Variants in SCARA3 observed in about 807,000 individuals in gnomAD.
SCARA3 encodes the protein cellular stress response gene protein.
SCARA3 carries 39 observed loss-of-function variants against 47.0 expected under a neutral mutation model. The observed-to-expected ratio is 0.83, with a 90% CI of 0.64 to 1.08. The LOEUF is 1.08. Among genes scored for constraint, SCARA3 ranks in the 50% least tolerant of loss-of-function variants. The probability of loss-of-function intolerance (pLI) is 0.00; values close to 1 mark genes in which losing one functional copy is unlikely to be tolerated. For synonymous variants in SCARA3, 356 were observed against 334.1 expected, an observed-to-expected ratio of 1.07 and a Z score of -0.71; for missense variants, 724 against 792.3, an observed-to-expected ratio of 0.91 and a Z score of 1.04.
chr8:27,694,702 A>G, the SCARA3 span, among the ~76,000 whole-genome samples: 1 of 152,172 alleles, frequency 6.6e-6, no homozygotes, highest in African/African-American at 2.4e-5. Context: ...TGGTATGTAC[A>G]GGTGGTTTAT....
the SCARA3 span, among the ~76,000 whole-genome samples, chr8:27,726,329 C>T: frequency 6.6e-6 from 1 of 152,124 alleles, no homozygotes; most frequent in African/African-American, 2.4e-5. Context: ...TTGTTTGAGC[C>T]CAGGAGTTCA....
intron 1 of SCARA3, among the ~76,000 whole-genome samples, chr8:27,643,354 T>C (rs1047130044): frequency 1.3e-5 from 2 of 152,104 alleles, no homozygotes; most frequent in African/African-American, 4.8e-5. Flanking sequence ...CAGATGTGGC[T>C]TTAGGGATGC....
the SCARA3 span, among the ~76,000 whole-genome samples, chr8:27,690,400 C>T: frequency 6.6e-6 from 1 of 152,214 alleles, no homozygotes; most frequent in Non-Finnish European, 1.5e-5. Flanking sequence ...CTCTCTGCCT[C>T]TCTGTCTCCC....
the SCARA3 span, among the ~76,000 whole-genome samples, chr8:27,728,198 T>C: frequency 1.3e-5 from 2 of 152,200 alleles, no homozygotes; most frequent in Non-Finnish European, 2.9e-5. Context: ...TTGTTGAGAC[T>C]TCACCGACGA....
chr8:27,705,594 C>T, the SCARA3 span, among the ~76,000 whole-genome samples: 10 of 152,312 alleles, frequency 6.6e-5, no homozygotes, highest in African/African-American at 1.2e-4. Flanking sequence ...TTGCACCTGA[C>T]ATGGGGCTCC....
chr8:27,639,110 C>T (rs1056372048), intron 1 of SCARA3, among the ~76,000 whole-genome samples: 2 of 152,180 alleles, frequency 1.3e-5, no homozygotes, highest in African/African-American at 4.8e-5. Flanking sequence ...TCAGATGAGA[C>T]ACCTTCCCCT....
intron 5 of SCARA3, 35 bp downstream of exon 5, chr8:27,659,574 C>T: frequency 6.5e-7 from 1 of 1,536,590 alleles, no homozygotes; most frequent in Non-Finnish European, 8.8e-7. Context: ...TGCTACAAAG[C>T]TTCCACTGAG....
At chr8:27,711,289 G>A in the SCARA3 span, among the ~76,000 whole-genome samples, 1 of 152,178 alleles carries the variant, frequency 6.6e-6, no homozygotes, top group Non-Finnish European at 1.5e-5. Flanking sequence ...TAGCTCATAA[G>A]GGGTTTGCAA....
At chr8:27,707,791 C>A in the SCARA3 span, among the ~76,000 whole-genome samples, 2 of 128,954 alleles carry the variant, frequency 1.6e-5, no homozygotes, top group Admixed American at 8.3e-5. Flanking sequence ...TTGAGAACAT[C>A]AAGCATAAAG....
intron 1 of SCARA3, among the ~76,000 whole-genome samples, chr8:27,641,687 G>C (rs889306455): frequency 2.0e-5 from 3 of 152,198 alleles, no homozygotes; most frequent in Non-Finnish European, 4.4e-5. Flanking sequence ...AGGAAAGGCT[G>C]AGTGCATTGG....
the SCARA3 span, among the ~76,000 whole-genome samples, chr8:27,707,212 T>C: frequency 1.2e-4 from 18 of 152,292 alleles, no homozygotes; most frequent in African/African-American, 4.1e-4. Context: ...TTAGAGAAAC[T>C]GAAGAGTCTA....
the SCARA3 span, among the ~76,000 whole-genome samples, chr8:27,710,206 G>C: frequency 6.7e-6 from 1 of 149,122 alleles, no homozygotes; most frequent in African/African-American, 2.5e-5. Flanking sequence ...CTCCAGCCTG[G>C]GCGACAGAGC....
chr8:27,671,466 G>C lies in SCARA3; in HGVS notation c.*115G>C. 7.6e-7 allele frequency: 1 copy of C among 1,312,640 alleles called. No individual in the cohort carries two copies. Among genetic ancestry groups the C allele is most frequent in the Non-Finnish European group, 9.6e-7 (1 of 1,036,474 alleles). 81.3% of individuals were successfully genotyped at this position (1,312,640 alleles called of 1,614,324 possible). A position where few individuals can be genotyped will look rare whatever the true frequency, so the allele number is the denominator to read the frequency against. On this transcript the variant is annotated 3_prime_UTR_variant, in exon 6 of 6. Coordinates refer to ENST00000301904, the MANE Select transcript of SCARA3 (RefSeq NM_016240.3). ...GTGGTCCTCTGATTCCAATGAGGGG[G>C]CTCCCCAGGGCTGACCCTGCAGCTT...
the SCARA3 span, among the ~76,000 whole-genome samples, chr8:27,688,569 G>A: frequency 6.6e-6 from 1 of 152,064 alleles, no homozygotes; most frequent in Non-Finnish European, 1.5e-5. Context: ...GGTGGCACGT[G>A]CCTATAGTCC....
At position 27,634,178 on chromosome 8, in the gene SCARA3, C is replaced by A. The variant is rs1391959897; in HGVS notation, c.-23C>A. 2.1e-6 allele frequency: 3 copies of A among 1,438,574 alleles called. No individual in the cohort carries two copies. The highest frequency in any genetic ancestry group is 2.7e-6 in the Non-Finnish European group (3 of 1,100,242). 89.1% of individuals were successfully genotyped at this position (1,438,574 alleles called of 1,614,324 possible). On this transcript the variant is annotated 5_prime_UTR_variant, in exon 1 of 6. It adds an upstream start codon to the 5' untranslated region. Coordinates refer to ENST00000301904, the MANE Select transcript of SCARA3 (RefSeq NM_016240.3). ...TCCAGCCGCCTGCAGCGGGGCCCTC[C>A]TGAGGCCCCAGAGGAAGAGACCATG...
chr8:27,701,961 C>T, the SCARA3 span: 13 of 152,504 alleles, frequency 8.5e-5, no homozygotes, highest in Admixed American at 8.5e-4. Context: ...CTACTCATCT[C>T]TGAAAGCATT....
intron 4 of SCARA3, among the ~76,000 whole-genome samples, 169 bp from the exon 5 acceptor site, chr8:27,658,327 T>C (rs1801786799): frequency 6.6e-6 from 1 of 152,142 alleles, no homozygotes; most frequent in African/African-American, 2.4e-5. Flanking sequence ...TGAGATTCCA[T>C]AGAGGTGGCA....
intron 5 of SCARA3, among the ~76,000 whole-genome samples, chr8:27,660,667 CAG>C (rs1306976988): frequency 6.4e-5 from 6 of 93,824 alleles, no homozygotes; most frequent in African/African-American, 2.0e-4. Context: ...TCTAGAGAAA[CAG>C]AATCAATAGT....
At chr8:27,731,092 CT>C in the SCARA3 span, among the ~76,000 whole-genome samples, 7 of 146,942 alleles carry the variant, frequency 4.8e-5, no homozygotes, top group Non-Finnish European at 7.5e-5. Context: ...CCGCTTTTAT[CT>C]TTTTTTTCTT....
Sources: gnomAD v4.1 joint callset for allele counts (sites outside exome capture counted in the v4.1 genomes callset) on GRCh38, gnomAD v4.1.1 for gene constraint, MANE v1.5 for transcripts, NCBI Gene and HGNC (gene_info 2026-07-23, HGNC 2026-07-21) for gene names.